The following OSBPL9 variants were observed in gnomAD, a reference collection of about 807,000 sequenced individuals.
OSBPL9 encodes the protein oxysterol-binding protein-related protein 9.
A neutral mutation model predicts 106.6 loss-of-function variants in OSBPL9; 40 were observed. The ratio of observed to expected loss-of-function variants is 0.38; its 90% CI spans 0.29 to 0.49. The LOEUF (loss-of-function observed/expected upper bound fraction) is 0.49. OSBPL9 is among the 20% of genes least tolerant of loss of function. The pLI, the probability that OSBPL9 is intolerant of heterozygous loss-of-function variation, is 0.97. For synonymous variants in OSBPL9, 269 were observed against 295.4 expected (o/e 0.91, Z 0.92); for missense variants, 609 against 887.2 (o/e 0.69, Z 3.98).
At chr1:51,524,033 A>T in the OSBPL9 span, among the ~76,000 whole-genome samples, 1 of 152,218 alleles carries the variant, frequency 6.6e-6, no homozygotes, top group Non-Finnish European at 1.5e-5. Flanking sequence ...GCTAAACTGT[A>T]TTTTAAAATC....
chr1:51,545,151 A>T, the OSBPL9 span, among the ~76,000 whole-genome samples: 1 of 152,122 alleles, frequency 6.6e-6, no homozygotes, highest in Non-Finnish European at 1.5e-5. Context: ...ACCCAGAGAC[A>T]TACTTAAAGA....
In OSBPL9 at chr1:51,716,312, A is replaced by G. The variant is rs115942486; in HGVS notation, c.318+2233A>G. 6.4e-3 allele frequency among the ~76,000 whole-genome samples: 971 copies of G among 152,346 alleles called. 7 individuals are homozygous for G. Among genetic ancestry groups the G allele is most frequent in the Non-Finnish European group, 0.011 (758 of 68,030 alleles). ...TAAAGAACTTCACTCTAGAGCCAGA[A>G]TGTCTGTGTTTGTATCCCAGAGCCC... On this transcript the variant is annotated intron_variant, in intron 4 of 23. Transcript: ENST00000428468.
rs538880003 is a variant in OSBPL9, at chr1:51,743,023, A to G, written c.319-2513A>G. Among the ~76,000 whole-genome samples the G allele has an allele frequency of 3.3e-5, 5 of 152,332 alleles. No homozygotes were observed. The East Asian group carries it at 9.6e-4, about 29-fold the overall frequency. ...TCATACTTGTGCTTTCTTCTAGAGT[A>G]TTAGTTTTACTAGATTTGAGAAAAC... On this transcript the variant is annotated intron_variant, in intron 4 of 23. Coordinates refer to ENST00000428468, the MANE Select transcript of OSBPL9 (RefSeq NM_024586.6).
intron 3 of OSBPL9, 85 bp downstream of exon 3, chr1:51,669,597 A>G (rs953223811): frequency 2.9e-5 from 37 of 1,287,360 alleles, no homozygotes; most frequent in Non-Finnish European, 3.8e-5. Flanking sequence ...GATGACTTGA[A>G]TGGTTTTGCA....
At chr1:51,527,879 G>A in the OSBPL9 span, among the ~76,000 whole-genome samples, 4 of 151,746 alleles carry the variant, frequency 2.6e-5, no homozygotes, top group African/African-American at 4.8e-5. Context: ...TTGGGAGACC[G>A]AGGCAAGCAG....
At chr1:51,701,601 T>C (rs908320211) in intron 3 of OSBPL9, among the ~76,000 whole-genome samples, 3 of 151,756 alleles carry the variant, frequency 2.0e-5, no homozygotes, top group Non-Finnish European at 4.4e-5. Flanking sequence ...ATATGGTTCT[T>C]TTTTTTTGGC....
chr1:51,788,178 ATACACACACATACG>A lies in OSBPL9; in HGVS notation c.*392_*405del, dbSNP rs1387739977. On this transcript the variant is annotated 3_prime_UTR_variant, in exon 24 of 24. Coordinates refer to ENST00000428468, the MANE Select transcript of OSBPL9 (RefSeq NM_024586.6). ...GATACACACACACACACACATATAT[ATACACACACATACG>A]TATACACACACATACATATATATAA... 102 of 197,942 alleles carry A rather than the reference ATACACACACATACG, an allele frequency of 5.2e-4. No individual in the cohort carries two copies. In the East Asian group the frequency reaches 0.011, roughly 20 times the overall value. The allele number at this position is 197,942 out of a possible 1,614,324, so 12.3% of individuals were successfully genotyped here.
chr1:51,668,525 G>A (rs1470162249), intron 2 of OSBPL9, among the ~76,000 whole-genome samples: 1 of 152,218 alleles, frequency 6.6e-6, no homozygotes, highest in Non-Finnish European at 1.5e-5. Flanking sequence ...GGGAGGCTGA[G>A]GCAGGAGAAT....
upstream of OSBPL9, among the ~76,000 whole-genome samples, chr1:51,612,723 C>A (rs74976144): frequency 4.8e-3 from 734 of 152,304 alleles, 43 homozygotes; most frequent in East Asian, 0.12. Context: ...AAAGTTAAAA[C>A]TGATTTAGAA....
intron 1 of OSBPL9, among the ~76,000 whole-genome samples, chr1:51,631,125 G>C (rs1265049451): frequency 3.3e-5 from 5 of 152,170 alleles, no homozygotes; most frequent in Admixed American, 3.3e-4. Flanking sequence ...AGTGCTGATT[G>C]GTTGGGTTGG....
At chr1:51,774,918 G>A (rs1236465487) in intron 14 of OSBPL9, among the ~76,000 whole-genome samples, 2 of 152,096 alleles carry the variant, frequency 1.3e-5, no homozygotes, top group African/African-American at 4.8e-5. Flanking sequence ...TTTTAAAAAT[G>A]TTTTTTGGCT....
At chr1:51,587,984 G>A (rs1428810911) in intron 1 of OSBPL9, among the ~76,000 whole-genome samples, 2 of 152,160 alleles carry the variant, frequency 1.3e-5, no homozygotes, top group Non-Finnish European at 2.9e-5. Context: ...TACAACCTTG[G>A]GAAAATCACC....
chr1:51,650,094 C>T (rs1238897012), intron 1 of OSBPL9, among the ~76,000 whole-genome samples: 1 of 152,022 alleles, frequency 6.6e-6, no homozygotes, highest in Admixed American at 6.6e-5. Context: ...CCAGGCCGAC[C>T]TCAAACTCCT....
chr1:51,750,503 T>G (rs1005212272), intron 8 of OSBPL9, among the ~76,000 whole-genome samples: 1 of 152,184 alleles, frequency 6.6e-6, no homozygotes, highest in Non-Finnish European at 1.5e-5. Context: ...ACAAAAAAAG[T>G]TTTTCTTAGA....
At chr1:51,740,212 G>C in intron 4 of OSBPL9, 1 of 1,535,436 alleles carries the variant, frequency 6.5e-7, no homozygotes, top group Non-Finnish European at 8.8e-7. Flanking sequence ...AAAAATAATT[G>C]TAAGTGATTG....
chr1:51,665,438 C>G (rs568358005), intron 2 of OSBPL9, among the ~76,000 whole-genome samples: 12 of 152,310 alleles, frequency 7.9e-5, no homozygotes, highest in Admixed American at 2.0e-4. Flanking sequence ...GCCACTGCGC[C>G]CGGCCTGAGG....
the OSBPL9 span, among the ~76,000 whole-genome samples, chr1:51,541,650 T>A: frequency 1.6e-4 from 25 of 152,344 alleles, no homozygotes; most frequent in Admixed American, 4.6e-4. Flanking sequence ...TGGGTGGGGA[T>A]GGTCAGCATA....
intron 4 of OSBPL9, among the ~76,000 whole-genome samples, chr1:51,744,597 G>A (rs1180443186): frequency 6.6e-6 from 1 of 152,184 alleles, no homozygotes; most frequent in Non-Finnish European, 1.5e-5. Context: ...GATGACAAGT[G>A]AAAGTCAAGT....
At chr1:51,749,464 T>C in intron 7 of OSBPL9, 1 of 407,146 alleles carries the variant, frequency 2.5e-6, no homozygotes, top group Non-Finnish European at 5.0e-6. Context: ...AGGCACACGC[T>C]ACCACACACA....
Sources: gnomAD v4.1 joint callset for allele counts (sites outside exome capture counted in the v4.1 genomes callset) on GRCh38, gnomAD v4.1.1 for gene constraint, MANE v1.5 for transcripts, NCBI Gene and HGNC (gene_info 2026-07-23, HGNC 2026-07-21) for gene names.